The following TRRAP variants were observed in gnomAD, a reference collection of about 807,000 sequenced individuals.
TRRAP encodes transformation/transcription domain-associated protein.
A neutral mutation model predicts 438.8 loss-of-function variants in TRRAP; 41 were observed. That is an observed-to-expected ratio of 0.09 (90% CI 0.07 to 0.12). The LOEUF is 0.12. TRRAP is among the 10% of genes least tolerant of loss of function. TRRAP has a pLI of 1.00. For missense variants in TRRAP, 3,122 were observed against 5,055.1 expected (o/e 0.62, Z 11.60); for synonymous variants, 1,994 against 1,962.9 (o/e 1.02, Z -0.42).
At chr7:99,010,453 C>G (rs1006573464) in intron 70 of TRRAP, among the ~76,000 whole-genome samples, 2 of 152,184 alleles carry the variant, frequency 1.3e-5, no homozygotes, top group African/African-American at 4.8e-5. Flanking sequence ...CACAGCCATT[C>G]CCACAGAGCA....
intron 30 of TRRAP, among the ~76,000 whole-genome samples, chr7:98,940,990 A>G (rs1451938709): frequency 3.9e-5 from 6 of 152,208 alleles, no homozygotes; most frequent in African/African-American, 1.4e-4. Context: ...AACAACCCTG[A>G]AAATTTACCT....
chr7:98,890,625 C>T (rs1165804903), intron 4 of TRRAP, among the ~76,000 whole-genome samples, 180 bp downstream of exon 4: 1 of 152,020 alleles, frequency 6.6e-6, no homozygotes, highest in African/African-American at 2.4e-5. Flanking sequence ...TTGTCTAGGA[C>T]GTCCCTTTTA....
chr7:98,922,494 C>T (rs1393556234), intron 21 of TRRAP, among the ~76,000 whole-genome samples: 1 of 152,046 alleles, frequency 6.6e-6, no homozygotes, highest in Non-Finnish European at 1.5e-5. Context: ...GAACACCCAC[C>T]GTCTCTCCTC....
At position 98,993,614 on chromosome 7, in the gene TRRAP, A is replaced by G. The variant is rs1188329093; in HGVS notation, c.9924A>G (p.Thr3308=). The part of the protein sequence containing the change: ...SASDPGPIRA[T]APMWRCSRIM... ...CAGATCCAGGGCCCATAAGAGCAAC[A>G]GCACCCATGTGGCGCTGCAGCCGAA... Residue 3308 remains threonine (T), a synonymous_variant, in exon 66 of 73, where the codon ACA becomes ACG. Transcript: ENST00000456197. 3.1e-6 allele frequency: 5 copies of G among 1,614,108 alleles called. No individual in the cohort carries two copies. The highest frequency in any genetic ancestry group is 2.2e-5 in the South Asian group (2 of 91,090).
At position 98,978,256 on chromosome 7, in the gene TRRAP, C is replaced by T; in HGVS notation, c.8431C>T (p.His2811Tyr). 1.9e-6 allele frequency: 3 copies of T among 1,614,132 alleles called. No homozygotes were observed. Among genetic ancestry groups the T allele is most frequent in the South Asian group, 1.1e-5 (1 of 91,080 alleles). Reference protein sequence around the residue: ...EKAMDKAKKEHERSNASPAIF... With the variant: ...EKAMDKAKKEYERSNASPAIF... ...GGCAATGGATAAAGCCAAAAAAGAA[C>T]ATGAGAGGAGTAACGCCTCCCCTGC... The change falls in exon 57 of 73, where the codon CAT becomes TAT. Residue 2811 changes from histidine to tyrosine, a missense_variant. Physicochemically the swap from His to Tyr is moderately conservative, Grantham distance 83. This residue lies in a region of TRRAP where 992 missense variants were observed against 1,281.2 expected (regional missense o/e 0.77). Coordinates refer to ENST00000456197, the MANE Select transcript of TRRAP (RefSeq NM_001375524.1).
In TRRAP at chr7:98,910,223, A is replaced by ACCCCCCCCC; in HGVS notation, c.1520_1521insCCCCCCCCC (p.Pro513_Pro515dup). Reference sequence around the variant, plus strand: ...CCTCCCCAGCCCCTGTCCCTGCCCCACCTCCACCCCCGCCCCCACCCCCAC... The same window carrying ACCCCCCCCC: ...CCTCCCCAGCCCCTGTCCCTGCCCCACCCCCCCCCCCTCCACCCCCGCCCCCACCCCCAC... On this transcript the variant is annotated inframe_insertion, in exon 15 of 73. Coordinates refer to ENST00000456197, the MANE Select transcript of TRRAP (RefSeq NM_001375524.1). 3.9e-6 allele frequency: 1 copy of ACCCCCCCCC among 257,398 alleles called. No homozygotes were observed. The highest frequency in any genetic ancestry group is 6.0e-6 in the Non-Finnish European group (1 of 166,688). 15.9% of individuals were successfully genotyped at this position (257,398 alleles called of 1,614,324 possible).
chr7:98,935,596 G>A lies in TRRAP; in HGVS notation c.4032G>A (p.Glu1344=), dbSNP rs1554414046. ...TTTTGCAGCTGTTGAATTTGTGTGA[G>A]GCTGAAGATTCAGCTTTAACAAAGC... The part of the protein sequence containing the change: ...VFYTELLNLC[E]AEDSALTKLP... Residue 1344 remains glutamate, a synonymous_variant, in exon 28 of 73, where the codon GAG becomes GAA. Coordinates refer to ENST00000456197, the MANE Select transcript of TRRAP (RefSeq NM_001375524.1). 1.9e-6 allele frequency: 3 copies of A among 1,601,028 alleles called. No homozygotes were observed. Among genetic ancestry groups the A allele is most frequent in the African/African-American group, 1.3e-5 (1 of 74,900 alleles).
chr7:98,900,369 G>A (rs375529079), intron 10 of TRRAP, among the ~76,000 whole-genome samples: 42 of 152,272 alleles, frequency 2.8e-4, no homozygotes, highest in East Asian at 2.7e-3. Context: ...TGAGTAGAAC[G>A]GCCTGGCACT....
chr7:98,992,888 C>G (rs541707848), intron 65 of TRRAP, among the ~76,000 whole-genome samples: 2 of 152,210 alleles, frequency 1.3e-5, no homozygotes, highest in Admixed American at 6.5e-5. Flanking sequence ...GCTCTAACCT[C>G]TGGGGAGTCA....
intron 46 of TRRAP, 137 bp from the exon 47 acceptor site, chr7:98,962,165 C>T (rs1039552257): frequency 3.0e-6 from 4 of 1,320,534 alleles, no homozygotes; most frequent in African/African-American, 2.9e-5. Flanking sequence ...GAGGTGAGGC[C>T]CACACTGTCC....
chr7:98,921,536 T>C (rs1789797340), intron 20 of TRRAP, among the ~76,000 whole-genome samples: 1 of 152,266 alleles, frequency 6.6e-6, no homozygotes, highest in African/African-American at 2.4e-5. Flanking sequence ...CCACCACGCC[T>C]GGCTAATTTT....
intron 67 of TRRAP, among the ~76,000 whole-genome samples, chr7:99,003,034 A>G: frequency 6.6e-6 from 1 of 152,284 alleles, no homozygotes; most frequent in South Asian, 2.1e-4. Context: ...GTCTCCCGCC[A>G]CGACTCAGCC....
intron 13 of TRRAP, among the ~76,000 whole-genome samples, chr7:98,907,809 T>C (rs182757124): frequency 2.0e-5 from 3 of 148,914 alleles, no homozygotes; most frequent in African/African-American, 7.6e-5. Flanking sequence ...CCTGACCTGC[T>C]TCAGCCATGC....
At chr7:98,973,005 G>T (rs965337058) in intron 53 of TRRAP, among the ~76,000 whole-genome samples, 10 of 152,006 alleles carry the variant, frequency 6.6e-5, no homozygotes, top group African/African-American at 2.4e-4. Context: ...TGTGAGACAG[G>T]GTCTCACTCT....
intron 27 of TRRAP, among the ~76,000 whole-genome samples, chr7:98,934,049 G>T (rs1053040740): frequency 6.6e-6 from 1 of 152,086 alleles, no homozygotes; most frequent in Non-Finnish European, 1.5e-5. Context: ...ACCCAAACAC[G>T]GACCCTGGCA....
At chr7:98,959,280 T>C in intron 44 of TRRAP, 64 bp from the exon 45 acceptor site, 1 of 1,590,826 alleles carries the variant, frequency 6.3e-7, no homozygotes, top group South Asian at 1.2e-5. Context: ...AGACGTGCTG[T>C]CACTGGAATG....
chr7:98,966,999 T>C (rs867826751), intron 49 of TRRAP, 42 bp from the exon 50 acceptor site: 1 of 1,585,498 alleles, frequency 6.3e-7, no homozygotes, highest in Non-Finnish European at 8.6e-7. Context: ...GAGCAGATGG[T>C]TGAAATACTT....
At chr7:98,947,492 G>A (rs1791138152) in intron 33 of TRRAP, among the ~76,000 whole-genome samples, 1 of 149,252 alleles carries the variant, frequency 6.7e-6, no homozygotes, top group Non-Finnish European at 1.5e-5. Context: ...GTCTCATTCT[G>A]TTGCCCAGGC....
At chr7:99,009,916 T>C (rs1794354101) in intron 70 of TRRAP, among the ~76,000 whole-genome samples, 1 of 147,692 alleles carries the variant, frequency 6.8e-6, no homozygotes, top group Non-Finnish European at 1.5e-5. Flanking sequence ...AGATAGAGTT[T>C]CGCTGTTGTT....
Sources: allele counts gnomAD v4.1 joint callset (sites outside exome capture counted in the v4.1 genomes callset), GRCh38; gene constraint gnomAD v4.1.1; regional missense constraint gnomAD v4.1.1; transcripts MANE v1.5; gene names NCBI Gene and HGNC (gene_info 2026-07-23, HGNC 2026-07-21).